CHSY3: variants seen among roughly 807,000 people sequenced by gnomAD.
The protein encoded by CHSY3 is N-acetylgalactosaminyl-proteoglycan 3-beta-glucuronosyltransferase 3.
Under a neutral mutation model 67.2 loss-of-function variants are expected in CHSY3, and 35 were observed. That is an observed-to-expected ratio of 0.52 (90% CI 0.40 to 0.69). CHSY3 has a LOEUF of 0.69. Among genes scored for constraint, CHSY3 ranks in the 30% least tolerant of loss-of-function variants. The probability of loss-of-function intolerance (pLI) is 0.00; values close to 1 mark genes in which losing one functional copy is unlikely to be tolerated. For missense variants in CHSY3, 1,069 were observed against 1,138.5 expected (o/e 0.94, Z 0.88); for synonymous variants, 474 against 434.7 (o/e 1.09, Z -1.12).
At chr5:130,141,970 T>TA (rs1484276425) in intron 2 of CHSY3, 1 of 188,996 alleles carries the variant, frequency 5.3e-6, no homozygotes, top group Non-Finnish European at 1.1e-5. Context: ...AGTATAGATG[T>TA]AGCATTGTTC....
At chr5:130,034,255 A>G (rs1164321002) in intron 2 of CHSY3, among the ~76,000 whole-genome samples, 1 of 152,036 alleles carries the variant, frequency 6.6e-6, no homozygotes, top group Non-Finnish European at 1.5e-5. Flanking sequence ...ACTTCATTTT[A>G]CAATTAATAT....
chr5:129,917,815 T>C (rs78567321), intron 2 of CHSY3, among the ~76,000 whole-genome samples: 2,027 of 152,290 alleles, frequency 0.013, 41 homozygotes, highest in African/African-American at 0.046. Flanking sequence ...ATTCTGATGC[T>C]GGACCCCACC....
At chr5:130,100,893 A>G (rs1158986798) in intron 2 of CHSY3, among the ~76,000 whole-genome samples, 1 of 152,224 alleles carries the variant, frequency 6.6e-6, no homozygotes, top group African/African-American at 2.4e-5. Context: ...ATCTAATCAA[A>G]CATAAACTGT....
At chr5:129,943,693 C>A (rs975462402) in intron 2 of CHSY3, among the ~76,000 whole-genome samples, 1 of 152,028 alleles carries the variant, frequency 6.6e-6, no homozygotes, top group Non-Finnish European at 1.5e-5. Context: ...AGACAGGTAC[C>A]AGATCTAATT....
intron 2 of CHSY3, among the ~76,000 whole-genome samples, chr5:130,125,492 C>G (rs1474636477): frequency 1.3e-5 from 2 of 151,544 alleles, no homozygotes; most frequent in Non-Finnish European, 2.9e-5. Flanking sequence ...ATTAGTTATA[C>G]TGCAGTTTTC....
chr5:129,936,625 T>G (rs985656303), intron 2 of CHSY3, among the ~76,000 whole-genome samples: 7 of 152,226 alleles, frequency 4.6e-5, no homozygotes, highest in African/African-American at 1.7e-4. Context: ...GCTAGATTTC[T>G]GCACCATAGC....
intron 2 of CHSY3, chr5:130,141,273 C>T (rs745503407): frequency 6.7e-6 from 3 of 445,448 alleles, no homozygotes; most frequent in Non-Finnish European, 1.3e-5. Context: ...TAAGCATAAT[C>T]CCACCATTCC....
chr5:129,937,122 G>T (rs139811897), intron 2 of CHSY3, among the ~76,000 whole-genome samples: 3 of 152,228 alleles, frequency 2.0e-5, no homozygotes, highest in East Asian at 3.9e-4. Flanking sequence ...TTCTCATACT[G>T]CTGTAAAGAC....
chr5:130,140,575 C>A, intron 2 of CHSY3: 1 of 522,612 alleles, frequency 1.9e-6, no homozygotes, highest in Non-Finnish European at 3.3e-6. Context: ...TGCTTATAGA[C>A]AAAAAGGTTG....
chr5:130,074,349 G>A (rs148347910), intron 2 of CHSY3, among the ~76,000 whole-genome samples: 4 of 152,274 alleles, frequency 2.6e-5, no homozygotes, highest in African/African-American at 9.6e-5. Flanking sequence ...GGGATTACAG[G>A]CATGAGCCAC....
chr5:130,079,013 G>A (rs1004809002), intron 2 of CHSY3, among the ~76,000 whole-genome samples: 3 of 152,122 alleles, frequency 2.0e-5, no homozygotes, highest in African/African-American at 7.2e-5. Flanking sequence ...TCCTCCAAAG[G>A]TTATTATGAG....
intron 2 of CHSY3, among the ~76,000 whole-genome samples, chr5:130,084,856 G>A (rs1043440905): frequency 6.6e-6 from 1 of 151,870 alleles, no homozygotes; most frequent in South Asian, 2.1e-4. Flanking sequence ...GGGAGTGTCT[G>A]GGTTAAGATA....
chr5:129,982,686 G>C (rs1049340488), intron 2 of CHSY3, among the ~76,000 whole-genome samples: 1 of 151,886 alleles, frequency 6.6e-6, no homozygotes, highest in East Asian at 1.9e-4. Flanking sequence ...CAATTTCAAA[G>C]CTTTAAAATT....
chr5:130,041,112 T>G (rs1021279486), intron 2 of CHSY3, among the ~76,000 whole-genome samples: 13 of 152,212 alleles, frequency 8.5e-5, no homozygotes, highest in African/African-American at 3.1e-4. Flanking sequence ...GAGCTCTTTC[T>G]CTGGAATATT....
At position 130,143,488 on chromosome 5, in the gene CHSY3, C is replaced by T. The variant is rs1293410801; in HGVS notation, c.1087-40741C>T. On this transcript the variant is annotated intron_variant, in intron 2 of 2. Transcript: ENST00000305031. ...TTCTTTCACTCAAAATTAGGTTTGC[C>T]AGAGTCATCTGTGTTGTTGCATGGA... is the stretch of plus-strand genomic sequence containing the variant. 4.6e-5 allele frequency among the ~76,000 whole-genome samples: 7 copies of T among 151,648 alleles called. No individual in the cohort carries two copies. The East Asian group carries it at 1.2e-3, about 25-fold the overall frequency.
intron 2 of CHSY3, among the ~76,000 whole-genome samples, chr5:130,043,756 T>TACA (rs5871377): frequency 2.5e-4 from 38 of 151,666 alleles, no homozygotes; most frequent in Non-Finnish European, 1.2e-4. Context: ...ACCTGACGTG[T>TACA]GCATATGTTT....
At chr5:130,184,123 C>A in intron 2 of CHSY3, 106 bp from the exon 3 acceptor site, 1 of 1,087,856 alleles carries the variant, frequency 9.2e-7, no homozygotes, top group Non-Finnish European at 1.2e-6. Context: ...AATACCATAC[C>A]AAAAATGTAT....
At chr5:129,932,114 A>ATG (rs1176588995) in intron 2 of CHSY3, among the ~76,000 whole-genome samples, 2 of 26,030 alleles carry the variant, frequency 7.7e-5, no homozygotes, top group African/African-American at 1.8e-4. Context: ...ATATATATAT[A>ATG]TATATATATA....
At chr5:129,930,765 A>G (rs1761281339) in intron 2 of CHSY3, among the ~76,000 whole-genome samples, 1 of 152,172 alleles carries the variant, frequency 6.6e-6, no homozygotes, top group Non-Finnish European at 1.5e-5. Flanking sequence ...GGAAGACTAC[A>G]GATGAGATGA....
Sources: gnomAD v4.1 joint callset for allele counts (sites outside exome capture counted in the v4.1 genomes callset) on GRCh38, gnomAD v4.1.1 for gene constraint, MANE v1.5 for transcripts, NCBI Gene and HGNC (gene_info 2026-07-23, HGNC 2026-07-21) for gene names.